RXRA: variants seen among roughly 807,000 people sequenced by gnomAD.
RXRA encodes retinoic acid receptor RXR-alpha.
RXRA carries 5 observed loss-of-function variants against 44.5 expected under a neutral mutation model. The ratio of observed to expected loss-of-function variants is 0.11; its 90% CI spans 0.06 to 0.24. The LOEUF (loss-of-function observed/expected upper bound fraction) is 0.24, where lower values mean the gene tolerates loss of function less well. Ranked by LOEUF, RXRA falls within the 10% of genes least tolerant of loss-of-function variation. The probability of loss-of-function intolerance (pLI) is 1.00; values close to 1 mark genes in which losing one functional copy is unlikely to be tolerated. For synonymous variants in RXRA, 291 were observed against 271.4 expected (o/e 1.07, Z -0.71); for missense variants, 412 against 646.5 (o/e 0.64, Z 3.93).
intron 1 of RXRA, chr9:134,380,119 G>A: frequency 1.0e-6 from 1 of 985,478 alleles, no homozygotes; most frequent in Non-Finnish European, 1.2e-6. Context: ...AGGGCCAAGT[G>A]TGGCCTTGGC....
chr9:134,334,499 A>G (rs1039785723), intron 1 of RXRA, among the ~76,000 whole-genome samples: 2 of 152,238 alleles, frequency 1.3e-5, no homozygotes, highest in Non-Finnish European at 2.9e-5. Context: ...CAGCAGTGTC[A>G]TTGACTGCCG....
chr9:134,433,936 C>T lies in RXRA; in HGVS notation c.1136-166C>T, dbSNP rs1443648048. ...GGTTCCACAGTCGTCCCCCTGCCAC[C>T]AGGCTCTGGGGGAGCGGGCGGAGGC... On this transcript the variant is annotated intron_variant, in intron 8 of 9. Coordinates refer to ENST00000481739, the MANE Select transcript of RXRA (RefSeq NM_002957.6). The surrounding 1 kb of genome is among the most constrained non-coding windows in gnomAD (Gnocchi z 4.2). 6.6e-6 allele frequency among the ~76,000 whole-genome samples: 1 copy of T among 151,994 alleles called. No homozygotes were observed. The highest frequency in any genetic ancestry group is 6.6e-5 in the Admixed American group (1 of 15,262).
Position 134,402,645 on chromosome 9 carries a change from G to A in RXRA, c.279+763G>A, listed in dbSNP as rs186540405. On this transcript the variant is annotated intron_variant, in intron 2 of 9. Coordinates refer to ENST00000481739, the MANE Select transcript of RXRA (RefSeq NM_002957.6). ...GACACCCCGAGTAGTGTCTCTTGTGGAGTTGTTCCCAGCCCTGGGGTGTCC... is the reference window on the plus strand; with the variant it reads ...GACACCCCGAGTAGTGTCTCTTGTGAAGTTGTTCCCAGCCCTGGGGTGTCC... 1,153 of 152,148 alleles carry A rather than the reference G, an allele frequency of 7.6e-3. 14 individuals carry two copies. Among genetic ancestry groups the A allele is most frequent in the Non-Finnish European group, 9.9e-3 (671 of 68,028 alleles). The allele number at this position is 152,148 out of a possible 1,614,324, so 9.4% of individuals were successfully genotyped here.
chr9:134,338,751 TGGGGCCA>T (rs1354008794), intron 1 of RXRA, among the ~76,000 whole-genome samples: 1 of 152,176 alleles, frequency 6.6e-6, no homozygotes, highest in Non-Finnish European at 1.5e-5. Context: ...AGCCTTGCCC[TGGGGCCA>T]GACCCCTGCA....
At chr9:134,351,617 C>T (rs1281274354) in intron 1 of RXRA, among the ~76,000 whole-genome samples, 6 of 152,196 alleles carry the variant, frequency 3.9e-5, no homozygotes, top group East Asian at 1.9e-4. Flanking sequence ...AGGAGGGTGC[C>T]GGCTCCGTTT....
rs146559064 is a variant in RXRA, at chr9:134,343,013, G to T, written c.28+16354G>T. On this transcript the variant is annotated intron_variant, in intron 1 of 9. Transcript: ENST00000481739. The surrounding 1 kb of genome is among the most constrained non-coding windows in gnomAD (Gnocchi z 4.1). ...TAGGCAGTGGGGGGACCTCCTTCTA[G>T]AGAGGCCCCAGCAGATTATGGGATT... Among the ~76,000 whole-genome samples the T allele has an allele frequency of 9.0e-3, 1,367 of 152,308 alleles. 8 individuals carry two copies. The highest frequency in any genetic ancestry group is 0.015 in the Non-Finnish European group (1,011 of 67,996).
intron 1 of RXRA, among the ~76,000 whole-genome samples, chr9:134,378,661 C>T (rs962846100): frequency 1.8e-4 from 27 of 152,184 alleles, no homozygotes; most frequent in Non-Finnish European, 3.4e-4. Flanking sequence ...CTGGGTCGGC[C>T]GCTCAGAGTC....
rs1475631260 is a variant in RXRA at position 134,433,412 on chromosome 9, G to A, written c.1136-690G>A. Among the ~76,000 whole-genome samples the A allele has an allele frequency of 6.6e-6, 1 of 152,168 alleles. No individual in the cohort carries two copies. The highest frequency in any genetic ancestry group is 1.5e-5 in the Non-Finnish European group (1 of 68,030). On this transcript the variant is annotated intron_variant, in intron 8 of 9. Transcript: ENST00000481739. This position sits in a 1 kb window ranked among gnomAD's most constrained non-coding sequence, Gnocchi z 4.2. ...AAGAGACCAGGGCACAGGCATGCAG[G>A]GAGGGCGAGGAGACTGGCTGGAGCG...
At chr9:134,389,537 TG>T (rs1830770192) in intron 1 of RXRA, among the ~76,000 whole-genome samples, 1 of 151,938 alleles carries the variant, frequency 6.6e-6, no homozygotes, top group African/African-American at 2.4e-5. Context: ...ATCCTAGGCC[TG>T]GGGCTTTGGA....
At chr9:134,387,744 G>A (rs920130443) in intron 1 of RXRA, among the ~76,000 whole-genome samples, 1 of 152,210 alleles carries the variant, frequency 6.6e-6, no homozygotes, top group African/African-American at 2.4e-5. Context: ...TCGCACACTT[G>A]TCCCGGCGCC....
chr9:134,432,798 G>T (rs939233842), intron 8 of RXRA, among the ~76,000 whole-genome samples: 1 of 152,226 alleles, frequency 6.6e-6, no homozygotes, highest in Non-Finnish European at 1.5e-5. Flanking sequence ...TTAGGGGCCA[G>T]GGGAGTGAGA....
At chr9:134,354,381 A>T (rs1465758725) in intron 1 of RXRA, among the ~76,000 whole-genome samples, 1 of 152,138 alleles carries the variant, frequency 6.6e-6, no homozygotes, top group African/African-American at 2.4e-5. Context: ...CCCTCCTTGG[A>T]CAGTGTTGGC....
intron 1 of RXRA, among the ~76,000 whole-genome samples, chr9:134,385,662 T>C (rs1263157498): frequency 6.6e-6 from 1 of 152,142 alleles, no homozygotes; most frequent in Non-Finnish European, 1.5e-5. Context: ...CCCCGAACAA[T>C]GCCTGGGCTT....
intron 5 of RXRA, among the ~76,000 whole-genome samples, chr9:134,420,760 A>G (rs1016330266): frequency 3.9e-5 from 6 of 152,142 alleles, no homozygotes; most frequent in African/African-American, 1.4e-4. Flanking sequence ...ATTGCTCAGG[A>G]CACAGAAGGT....
intron 1 of RXRA, among the ~76,000 whole-genome samples, chr9:134,356,878 G>T (rs1162389337): frequency 2.0e-5 from 3 of 152,168 alleles, no homozygotes; most frequent in African/African-American, 7.2e-5. Flanking sequence ...ACCCTCGATG[G>T]CCCTGGTAGA....
chr9:134,342,356 G>C lies in RXRA; in HGVS notation c.28+15697G>C, dbSNP rs1830096002. 6.6e-6 allele frequency among the ~76,000 whole-genome samples: 1 copy of C among 152,138 alleles called. No homozygotes were observed. The highest frequency in any genetic ancestry group is 2.1e-4 in the South Asian group (1 of 4,826). ...GGGAGTTGCCCTCATTTACAGAGGG[G>C]GCCTGGGCTCAGAGAGGCTGAGCCG... On this transcript the variant is annotated intron_variant, in intron 1 of 9. Coordinates refer to ENST00000481739, the MANE Select transcript of RXRA (RefSeq NM_002957.6). This position sits in a 1 kb window ranked among gnomAD's most constrained non-coding sequence, Gnocchi z 4.4.
intron 1 of RXRA, among the ~76,000 whole-genome samples, chr9:134,350,337 G>A (rs1378734670): frequency 6.6e-6 from 1 of 152,196 alleles, no homozygotes; most frequent in Non-Finnish European, 1.5e-5. Context: ...GCCTTGGAAG[G>A]CCCTTTGCCC....
chr9:134,440,058 G>C lies in RXRA; in HGVS notation c.*3444G>C, dbSNP rs1215708594. 4 of 151,758 alleles carry C rather than the reference G, an allele frequency of 2.6e-5. No individual in the cohort carries two copies. The highest frequency in any genetic ancestry group is 2.6e-4 in the Admixed American group (4 of 15,218). The allele number at this position is 151,758 out of a possible 1,614,324, so 9.4% of individuals were successfully genotyped here. ...ATGACAGATCCATAAAGAGAGTAAA[G>C]ATAAGAGAAAATGTCTAAAGCATCT... On this transcript the variant is annotated 3_prime_UTR_variant, in exon 10 of 10. Coordinates refer to ENST00000481739, the MANE Select transcript of RXRA (RefSeq NM_002957.6).
intron 1 of RXRA, among the ~76,000 whole-genome samples, chr9:134,395,200 G>A (rs1199649730): frequency 2.0e-5 from 3 of 152,252 alleles, no homozygotes; most frequent in East Asian, 3.8e-4. Context: ...ACTCCCACAT[G>A]TCCATGGGGC....
Sources: gnomAD v4.1 joint callset for allele counts (sites outside exome capture counted in the v4.1 genomes callset) on GRCh38, gnomAD v4.1.1 for gene constraint, Gnocchi (gnomAD v3.1) non-coding constraint, MANE v1.5 for transcripts, NCBI Gene and HGNC (gene_info 2026-07-23, HGNC 2026-07-21) for gene names.